APP: variants seen among roughly 807,000 people sequenced by gnomAD.
APP encodes amyloid-beta precursor protein.
Under a neutral mutation model 101.4 loss-of-function variants are expected in APP, and 31 were observed. The ratio of observed to expected loss-of-function variants is 0.31; its 90% CI spans 0.23 to 0.41. The LOEUF is 0.41. APP is among the 10% of genes least tolerant of loss of function. The pLI is 1.00. For missense variants in APP, 839 were observed against 1,003.7 expected (o/e 0.84, Z 2.22); for synonymous variants, 366 against 364.4 (o/e 1.00, Z -0.05).
intron 1 of APP, among the ~76,000 whole-genome samples, chr21:26,148,474 G>A (rs1415298517): frequency 6.6e-6 from 1 of 152,198 alleles, no homozygotes. Flanking sequence ...AAAACCCAAG[G>A]AAATGAGGCT....
chr21:26,000,074 C>T lies in APP; in HGVS notation c.974G>A (p.Gly325Asp), dbSNP rs967346296. 15 of 1,614,024 alleles carry T rather than the reference C, an allele frequency of 9.3e-6. No homozygotes were observed. Among genetic ancestry groups the T allele is most frequent in the East Asian group, 2.2e-5 (1 of 44,872 alleles). ...TGTGTCAAAGTTGTTCCGGTTGCCG[C>T]CACATCCGCCGTAAAAGAATGGGGC... is the stretch of plus-strand genomic sequence containing the variant. ...KCAPFFYGGC[G>D]GNRNNFDTEE... Residue 325 changes from glycine (G) to aspartate (D), a missense_variant, in exon 7 of 18, where the codon GGC becomes GAC. Physicochemically the swap from Gly to Asp is moderately conservative, Grantham distance 94. Coordinates refer to ENST00000346798, the MANE Select transcript of APP (RefSeq NM_000484.4).
At chr21:26,170,413 G>A in intron 1 of APP, 151 bp downstream of exon 1, 2 of 830,760 alleles carry the variant, frequency 2.4e-6, no homozygotes, top group Non-Finnish European at 3.7e-6. Flanking sequence ...AAGCGGGGAT[G>A]CGCTGGACGT....
At chr21:26,116,733 A>T (rs976972585) in intron 1 of APP, among the ~76,000 whole-genome samples, 3 of 152,170 alleles carry the variant, frequency 2.0e-5, no homozygotes, top group African/African-American at 7.2e-5. Flanking sequence ...CCGTGGATTT[A>T]TGTAATTTTA....
intron 13 of APP, among the ~76,000 whole-genome samples, chr21:25,944,540 A>T (rs2040722234): frequency 6.6e-6 from 1 of 152,244 alleles, no homozygotes; most frequent in Admixed American, 6.5e-5. Context: ...CAAGCAAATT[A>T]ACATGTCTTC....
In APP at chr21:26,147,864, C is replaced by T. The variant is rs555828690; in HGVS notation, c.57+22700G>A. ...ACTGAAAAATCCAATCCCTCCCCAA[C>T]CCCCCCAAAAAAACCTCCCAAAACA... is the stretch of plus-strand genomic sequence containing the variant. On this transcript the variant is annotated intron_variant, in intron 1 of 17. Transcript: ENST00000346798. Among the ~76,000 whole-genome samples, 182 of 151,260 alleles carry T rather than the reference C, an allele frequency of 1.2e-3. 1 individual carries two copies. The highest frequency in any genetic ancestry group is 6.9e-3 in the Middle Eastern group (2 of 290).
At chr21:25,897,716 T>C (rs201484630) in intron 15 of APP, 43 bp from the exon 16 acceptor site, 2 of 1,503,114 alleles carry the variant, frequency 1.3e-6, no homozygotes, top group Non-Finnish European at 1.9e-6. Context: ...AACCAATTAG[T>C]TTTACTCATA....
At chr21:26,169,811 G>A (rs2063702010) in intron 1 of APP, among the ~76,000 whole-genome samples, 5 of 152,224 alleles carry the variant, frequency 3.3e-5, no homozygotes, top group Admixed American at 3.3e-4. Flanking sequence ...GCGAACTCCC[G>A]GGACGTCCAG....
intron 1 of APP, among the ~76,000 whole-genome samples, chr21:26,114,904 A>T (rs543887416): frequency 6.6e-6 from 1 of 152,232 alleles, no homozygotes; most frequent in African/African-American, 2.4e-5. Flanking sequence ...GCCATTTTTT[A>T]ATGCCATCTG....
At chr21:25,916,488 G>C (rs540386353) in intron 13 of APP, among the ~76,000 whole-genome samples, 13 of 152,312 alleles carry the variant, frequency 8.5e-5, no homozygotes, top group African/African-American at 2.2e-4. Context: ...AAAATACCCA[G>C]AGACAAATAT....
intron 1 of APP, among the ~76,000 whole-genome samples, chr21:26,165,650 A>G (rs1370637472): frequency 1.3e-5 from 2 of 151,880 alleles, no homozygotes; most frequent in African/African-American, 4.8e-5. Flanking sequence ...ATTTTTAAAA[A>G]CCTCTCATCT....
intron 5 of APP, 71 bp from the exon 6 acceptor site, chr21:26,022,113 C>T (rs2044369448): frequency 1.9e-6 from 3 of 1,563,822 alleles, no homozygotes; most frequent in South Asian, 1.1e-5. Context: ...GAAAAGTCGT[C>T]CATATGGAAT....
chr21:26,089,727 C>A, intron 3 of APP: 1 of 537,078 alleles, frequency 1.9e-6, no homozygotes, highest in Non-Finnish European at 3.1e-6. Flanking sequence ...AATATACACC[C>A]TGGGTAAATT....
rs557570567 is a variant in APP, at chr21:25,994,707, A to G, written c.1090+2653T>C. On this transcript the variant is annotated intron_variant, in intron 8 of 17. Transcript: ENST00000346798. Reference sequence around the variant, plus strand: ...ACTGGCTCTAGATTGTTGAAGGAGCAAAGTCAAGTCCAAGTTGCCCAGTCT... The same window carrying G: ...ACTGGCTCTAGATTGTTGAAGGAGCGAAGTCAAGTCCAAGTTGCCCAGTCT... Among the ~76,000 whole-genome samples, 34 of 152,340 alleles carry G rather than the reference A, an allele frequency of 2.2e-4. 1 individual carries two copies. Among genetic ancestry groups the G allele is most frequent in the African/African-American group, 7.7e-4 (32 of 41,582 alleles).
At chr21:26,092,461 T>TG (rs1328664880) in intron 2 of APP, among the ~76,000 whole-genome samples, 2 of 152,176 alleles carry the variant, frequency 1.3e-5, no homozygotes, top group African/African-American at 4.8e-5. Context: ...TATGACATTC[T>TG]GGAAAAGGCA....
At chr21:25,939,717 TC>T (rs1325407095) in intron 13 of APP, among the ~76,000 whole-genome samples, 1 of 152,218 alleles carries the variant, frequency 6.6e-6, no homozygotes, top group African/African-American at 2.4e-5. Context: ...TGGAAACTGT[TC>T]AGGTTGATTC....
chr21:25,943,889 A>C (rs1037231797), intron 13 of APP, among the ~76,000 whole-genome samples: 2 of 152,228 alleles, frequency 1.3e-5, no homozygotes, highest in African/African-American at 4.8e-5. Flanking sequence ...TATACTTAAA[A>C]ATCATAAGCT....
At chr21:26,168,307 A>G (rs919668626) in intron 1 of APP, among the ~76,000 whole-genome samples, 1 of 152,198 alleles carries the variant, frequency 6.6e-6, no homozygotes, top group African/African-American at 2.4e-5. Context: ...TCTATAAAAG[A>G]CAGTCAACTC....
At chr21:26,027,541 T>C (rs578155338) in intron 5 of APP, among the ~76,000 whole-genome samples, 138 of 152,304 alleles carry the variant, frequency 9.1e-4, no homozygotes, top group Non-Finnish European at 1.7e-3. Flanking sequence ...AAGGCACTGT[T>C]AGAAGCGAAA....
At chr21:26,088,311 C>T (rs1247713019) in intron 3 of APP, among the ~76,000 whole-genome samples, 3 of 152,160 alleles carry the variant, frequency 2.0e-5, no homozygotes, top group South Asian at 4.1e-4. Flanking sequence ...TAATACAAAT[C>T]ATTCTGAATA....
Sources: allele counts gnomAD v4.1 joint callset (sites outside exome capture counted in the v4.1 genomes callset), GRCh38; gene constraint gnomAD v4.1.1; transcripts MANE v1.5; gene names NCBI Gene and HGNC (gene_info 2026-07-23, HGNC 2026-07-21).